The following HECTD4 variants were observed in gnomAD, a reference collection of about 807,000 sequenced individuals.
HECTD4 encodes the protein HECT domain E3 ubiquitin protein ligase 4.
A neutral mutation model predicts 471.5 loss-of-function variants in HECTD4; 114 were observed. That is an observed-to-expected ratio of 0.24 (90% CI 0.21 to 0.28). The LOEUF (loss-of-function observed/expected upper bound fraction) is 0.28. HECTD4 is among the 10% of genes least tolerant of loss of function. The pLI, the probability that HECTD4 is intolerant of heterozygous loss-of-function variation, is 1.00. For synonymous variants in HECTD4, 2,012 were observed against 2,256.0 expected (o/e 0.89, Z 3.07); for missense variants, 3,866 against 5,651.5 (o/e 0.68, Z 10.13).
At chr12:112,279,788 C>G (rs937585383) in intron 8 of HECTD4, among the ~76,000 whole-genome samples, 9 of 152,086 alleles carry the variant, frequency 5.9e-5, no homozygotes, top group Non-Finnish European at 5.9e-5. Flanking sequence ...TGCCTGGGAC[C>G]AGAAGTGTTT....
chr12:112,245,000 T>G (rs1262829318), intron 29 of HECTD4, among the ~76,000 whole-genome samples: 1 of 152,072 alleles, frequency 6.6e-6, no homozygotes, highest in Non-Finnish European at 1.5e-5. Flanking sequence ...TTTCTAAAAT[T>G]TTCACTTATT....
At chr12:112,304,954 G>A (rs1345106130) in intron 7 of HECTD4, among the ~76,000 whole-genome samples, 2 of 152,064 alleles carry the variant, frequency 1.3e-5, no homozygotes, top group African/African-American at 4.8e-5. Context: ...TTTTTTACAG[G>A]AATGCTAATT....
intron 11 of HECTD4, among the ~76,000 whole-genome samples, chr12:112,272,668 C>T (rs531104110): frequency 1.3e-3 from 191 of 150,946 alleles, no homozygotes; most frequent in South Asian, 2.3e-3. Flanking sequence ...TGGTCCCCCA[C>T]AGCTTTCTCA....
At chr12:112,186,547 G>C (rs1277704245) in intron 60 of HECTD4, among the ~76,000 whole-genome samples, 2 of 151,644 alleles carry the variant, frequency 1.3e-5, no homozygotes, top group Non-Finnish European at 2.9e-5. Flanking sequence ...ATCTTGGCCA[G>C]GCTGGTCTTG....
chr12:112,294,956 A>C (rs930792467), intron 7 of HECTD4, among the ~76,000 whole-genome samples: 3 of 152,086 alleles, frequency 2.0e-5, no homozygotes, highest in East Asian at 1.9e-4. Flanking sequence ...TTAATTAATT[A>C]ATTAATTCAT....
intron 7 of HECTD4, among the ~76,000 whole-genome samples, chr12:112,284,757 G>A (rs1012139770): frequency 1.3e-5 from 2 of 152,132 alleles, no homozygotes; most frequent in African/African-American, 4.8e-5. Context: ...CTTGCAGGTC[G>A]CGCCATCACT....
At chr12:112,280,999 C>T (rs1207341658) in intron 8 of HECTD4, among the ~76,000 whole-genome samples, 1 of 152,000 alleles carries the variant, frequency 6.6e-6, no homozygotes, top group Non-Finnish European at 1.5e-5. Flanking sequence ...CCATGTTGGC[C>T]AGGCTGGTCT....
chr12:112,280,492 G>T (rs1829617148), intron 8 of HECTD4, among the ~76,000 whole-genome samples: 1 of 151,970 alleles, frequency 6.6e-6, no homozygotes, highest in African/African-American at 2.4e-5. Flanking sequence ...ATCATTTTTA[G>T]ATGGTTTAGA....
At chr12:112,331,456 C>A (rs1295887585) in intron 1 of HECTD4, among the ~76,000 whole-genome samples, 2 of 152,176 alleles carry the variant, frequency 1.3e-5, no homozygotes. Context: ...GGTTCTATGC[C>A]AGCCTCTGCA....
intron 72 of HECTD4, among the ~76,000 whole-genome samples, chr12:112,165,999 G>A (rs1055011837): frequency 6.6e-6 from 1 of 152,142 alleles, no homozygotes; most frequent in African/African-American, 2.4e-5. Flanking sequence ...CTTCTTCCTA[G>A]TATGCACCCC....
At chr12:112,205,361 G>A (rs1257669379) in intron 52 of HECTD4, among the ~76,000 whole-genome samples, 1 of 152,082 alleles carries the variant, frequency 6.6e-6, no homozygotes, top group East Asian at 1.9e-4. Flanking sequence ...TTGAACCCGG[G>A]AGGTGGAGGT....
rs958558110 is a variant in HECTD4 at position 112,194,015 on chromosome 12, C to A, written c.8750-341G>T. On this transcript the variant is annotated intron_variant, in intron 56 of 75. Coordinates refer to ENST00000682272, the MANE Select transcript of HECTD4 (RefSeq NM_001388303.1). The surrounding 1 kb of genome is among the most constrained non-coding windows in gnomAD (Gnocchi z 4.6). ...AGCCTGACCTGTCTGACTACTCTGGCCCACCCCCGCAGGGTACCTTAGGGC... is the reference window on the plus strand; with the variant it reads ...AGCCTGACCTGTCTGACTACTCTGGACCACCCCCGCAGGGTACCTTAGGGC... Among the ~76,000 whole-genome samples, 1 of 152,182 alleles carries A rather than the reference C, an allele frequency of 6.6e-6. No individual in the cohort carries two copies. Among genetic ancestry groups the A allele is most frequent in the Non-Finnish European group, 1.5e-5 (1 of 68,030 alleles).
chr12:112,309,417 T>C (rs2035331002), intron 5 of HECTD4, 144 bp downstream of exon 5: 1 of 500,470 alleles, frequency 2.0e-6, no homozygotes, highest in East Asian at 3.2e-5. Context: ...AAGAGAAGAT[T>C]GGAATTATTT....
At chr12:112,232,825 CTGACTT>C (rs904215546) in intron 38 of HECTD4, among the ~76,000 whole-genome samples, 173 bp downstream of exon 38, 1 of 152,176 alleles carries the variant, frequency 6.6e-6, no homozygotes, top group African/African-American at 2.4e-5. Context: ...TTTTGACAAA[CTGACTT>C]TAACTAGTTC....
chr12:112,175,632 G>A (rs1486389770), intron 66 of HECTD4, 104 bp downstream of exon 66: 2 of 1,312,818 alleles, frequency 1.5e-6, no homozygotes, highest in African/African-American at 3.0e-5. Flanking sequence ...AACTCAGAAA[G>A]CATTATCAAC....
chr12:112,242,815 A>G (rs1292578121), intron 32 of HECTD4, among the ~76,000 whole-genome samples: 1 of 152,040 alleles, frequency 6.6e-6, no homozygotes, highest in African/African-American at 2.4e-5. Context: ...GGAGGTTGAG[A>G]CACGAGAATC....
intron 41 of HECTD4, 98 bp downstream of exon 41, chr12:112,229,600 G>T: frequency 1.6e-6 from 2 of 1,240,630 alleles, no homozygotes; most frequent in Non-Finnish European, 2.3e-6. Context: ...TTTTTGTACA[G>T]CTGGTTGGAT....
At chr12:112,305,966 A>C in intron 7 of HECTD4, 98 bp downstream of exon 7, 2 of 1,112,016 alleles carry the variant, frequency 1.8e-6, no homozygotes, top group Non-Finnish European at 2.5e-6. Context: ...AACACACTAT[A>C]CACGCTGCAA....
rs747982228 is a variant in HECTD4 at position 112,179,363 on chromosome 12, C to A, written c.11022G>T (p.Leu3674=). ...GGGCACAACTCTTAAATATCTCCGT[C>A]AGAACCTCTCTGGCTCCGGGCACCA... ...EKLVPGAREV[L]TEIFKSCAHS... The change falls in exon 63 of 76, where the codon CTG becomes CTT. Residue 3674 remains leucine (L), a synonymous_variant. Coordinates refer to ENST00000682272, the MANE Select transcript of HECTD4 (RefSeq NM_001388303.1). The surrounding 1 kb of genome is among the most constrained non-coding windows in gnomAD (Gnocchi z 4.3). 2 of 1,612,886 alleles carry A rather than the reference C, an allele frequency of 1.2e-6. No homozygotes were observed. Among genetic ancestry groups the A allele is most frequent in the South Asian group, 2.2e-5 (2 of 90,672 alleles).
Sources: gnomAD v4.1 joint callset for allele counts (sites outside exome capture counted in the v4.1 genomes callset) on GRCh38, gnomAD v4.1.1 for gene constraint, Gnocchi (gnomAD v3.1) non-coding constraint, MANE v1.5 for transcripts, NCBI Gene and HGNC (gene_info 2026-07-23, HGNC 2026-07-21) for gene names.